The following DPY19L4 variants were observed in gnomAD, a reference collection of about 807,000 sequenced individuals.
DPY19L4 encodes the protein dpy-19 like 4.
In DPY19L4, 97 loss-of-function variants were observed where a neutral mutation model predicts 102.8. That is an observed-to-expected ratio of 0.94 (90% confidence interval 0.80 to 1.12). The LOEUF is 1.12. DPY19L4 is among the 50% of genes most tolerant of loss of function. The pLI, the probability that DPY19L4 is intolerant of heterozygous loss-of-function variation, is 0.00. For missense variants in DPY19L4, 815 were observed against 850.4 expected (o/e 0.96, Z 0.52); for synonymous variants, 252 against 283.1 (o/e 0.89, Z 1.10).
intron 13 of DPY19L4, among the ~76,000 whole-genome samples, chr8:94,775,136 CA>C (rs887720125): frequency 2.0e-5 from 3 of 151,444 alleles, no homozygotes; most frequent in Non-Finnish European, 4.4e-5. Context: ...TTGTGTGTGC[CA>C]AAACCATTGT....
At chr8:94,758,970 A>G (rs1182483498) in intron 7 of DPY19L4, among the ~76,000 whole-genome samples, 2 of 152,066 alleles carry the variant, frequency 1.3e-5, no homozygotes, top group Non-Finnish European at 2.9e-5. Context: ...CCTGAGCTCA[A>G]GTGATTCGCC....
chr8:94,781,082 A>ATTTTT lies in DPY19L4; in HGVS notation c.1633-2_1633-1insTTTTT. 3.7e-6 allele frequency: 4 copies of ATTTTT among 1,075,774 alleles called. No homozygotes were observed. The highest frequency in any genetic ancestry group is 4.8e-5 in the Admixed American group (1 of 20,658). 66.6% of individuals were successfully genotyped at this position (1,075,774 alleles called of 1,614,324 possible). On this transcript the variant is annotated splice_acceptor_variant, in intron 15 of 18. Transcript: ENST00000414645. LOFTEE classifies it high-confidence loss of function. ...TTTTTTTTTTTTTTTTTTGCATTTTAGTTTTTTCCCAGATTAATGACAGAA... is the reference window on the plus strand; with the variant it reads ...TTTTTTTTTTTTTTTTTTGCATTTTATTTTTGTTTTTTCCCAGATTAATGACAGAA...
At position 94,788,007 on chromosome 8, in the gene DPY19L4, G is replaced by A. The variant is rs764265382; in HGVS notation, c.1962G>A (p.Met654Ile). The A allele has an allele frequency of 6.6e-7, 1 of 1,509,998 alleles. No individual in the cohort carries two copies. Among genetic ancestry groups the A allele is most frequent in the Non-Finnish European group, 8.8e-7 (1 of 1,130,836 alleles). The allele number at this position is 1,509,998 out of a possible 1,614,324, so 93.5% of individuals were successfully genotyped here. A position where few individuals can be genotyped will look rare whatever the true frequency, so the allele number is the denominator to read the frequency against. The change falls in exon 18 of 19, where the codon ATG becomes ATA. Residue 654 changes from methionine to isoleucine, a missense_variant. Coordinates refer to ENST00000414645, the MANE Select transcript of DPY19L4 (RefSeq NM_181787.3). Reference sequence around the variant, plus strand: ...CTATCTGCAATGAGGTGGGACCCATGAGAGGCTGTAGGGTTAAAGATTTAT... The same window carrying A: ...CTATCTGCAATGAGGTGGGACCCATAAGAGGCTGTAGGGTTAAAGATTTAT... ...EDAICNEVGP[M>I]RGCRVKDLLD...
At chr8:94,769,360 C>T (rs998067417) in intron 12 of DPY19L4, among the ~76,000 whole-genome samples, 39 of 151,964 alleles carry the variant, frequency 2.6e-4, no homozygotes, top group African/African-American at 8.9e-4. Flanking sequence ...CCATGCTCAG[C>T]CCTAAACTTA....
In DPY19L4 at chr8:94,767,190, A is replaced by T. The variant is rs897246480; in HGVS notation, c.1175+505A>T. On this transcript the variant is annotated intron_variant, in intron 11 of 18. Transcript: ENST00000414645. The stretch of plus-strand genomic sequence containing the variant: ...AGTCCATCACTGAGCATTCCTGAAC[A>T]TCACTCCATCTCTAACATCTTTTCC... Among the ~76,000 whole-genome samples the T allele has an allele frequency of 1.2e-4, 19 of 152,116 alleles. 1 individual carries two copies. Among genetic ancestry groups the T allele is most frequent in the African/African-American group, 4.3e-4 (18 of 41,410 alleles).
At chr8:94,786,116 T>G (rs1813639152) in intron 17 of DPY19L4, among the ~76,000 whole-genome samples, 1 of 152,144 alleles carries the variant, frequency 6.6e-6, no homozygotes. Flanking sequence ...CCATATCATT[T>G]ATTTATTTTT....
chr8:94,745,227 T>C (rs72676946), intron 6 of DPY19L4: 2,133 of 152,678 alleles, frequency 0.014, 25 homozygotes, highest in Non-Finnish European at 0.022. Context: ...GGAAACGGCA[T>C]TGTACAGATA....
intron 1 of DPY19L4, among the ~76,000 whole-genome samples, chr8:94,722,050 A>G (rs1307247541): frequency 6.6e-6 from 1 of 152,184 alleles, no homozygotes; most frequent in East Asian, 1.9e-4. Flanking sequence ...CGGAGGTTGC[A>G]GTGAGCCAAG....
chr8:94,780,933 T>A, intron 15 of DPY19L4, 151 bp from the exon 16 acceptor site: 1 of 582,142 alleles, frequency 1.7e-6, no homozygotes, highest in East Asian at 3.1e-5. Context: ...AAGAGATCCA[T>A]CATGACATTT....
intron 12 of DPY19L4, among the ~76,000 whole-genome samples, chr8:94,769,893 T>C (rs899386779): frequency 2.0e-5 from 3 of 149,116 alleles, no homozygotes; most frequent in Non-Finnish European, 4.5e-5. Flanking sequence ...CTTTTCTTTT[T>C]TTTTTTTTTT....
chr8:94,789,826 A>C lies in DPY19L4; in HGVS notation c.2088A>C (p.Pro696=), dbSNP rs767411203. Residue 696 remains proline, a synonymous_variant, in exon 19 of 19, where the codon CCA becomes CCC. Coordinates refer to ENST00000414645, the MANE Select transcript of DPY19L4 (RefSeq NM_181787.3). ...FCHEVKINYS[P]YVNYFTRVYW... ...ATGAGGTCAAAATTAACTATTCTCC[A>C]TATGTGAATTATTTCACTAGAGTAT... 1 of 1,611,948 alleles carries C rather than the reference A, an allele frequency of 6.2e-7. No individual in the cohort carries two copies. The highest frequency in any genetic ancestry group is 1.1e-5 in the South Asian group (1 of 90,534).
chr8:94,753,895 T>C (rs1010235536), intron 6 of DPY19L4, among the ~76,000 whole-genome samples: 13 of 151,704 alleles, frequency 8.6e-5, no homozygotes, highest in African/African-American at 3.1e-4. Flanking sequence ...GAAAGTACAT[T>C]GTGCTACCGG....
At chr8:94,764,806 C>T (rs1356321311) in intron 8 of DPY19L4, among the ~76,000 whole-genome samples, 9 of 140,020 alleles carry the variant, frequency 6.4e-5, no homozygotes, top group African/African-American at 1.9e-4. Flanking sequence ...TTTGGCTCAC[C>T]GCAACCTCCA....
At chr8:94,759,500 C>CTTTTTTTTT (rs1161705507) in intron 7 of DPY19L4, among the ~76,000 whole-genome samples, 16 of 67,564 alleles carry the variant, frequency 2.4e-4, no homozygotes, top group Non-Finnish European at 3.0e-4. Context: ...TCTACATGTT[C>CTTTTTTTTT]TTTTTTTTTT....
chr8:94,765,349 G>A, intron 9 of DPY19L4, 35 bp downstream of exon 9: 1 of 1,567,330 alleles, frequency 6.4e-7, no homozygotes, highest in Non-Finnish European at 8.6e-7. Flanking sequence ...TTCTTATTTT[G>A]ATTTTTTTTT....
chr8:94,760,787 G>A (rs570819819), intron 7 of DPY19L4, among the ~76,000 whole-genome samples: 9 of 152,302 alleles, frequency 5.9e-5, no homozygotes, highest in East Asian at 1.9e-4. Context: ...TGTTGCATAC[G>A]TTATGGGATT....
chr8:94,751,508 T>C (rs1191421754), intron 6 of DPY19L4, among the ~76,000 whole-genome samples: 3 of 151,528 alleles, frequency 2.0e-5, no homozygotes, highest in African/African-American at 7.3e-5. Flanking sequence ...TATTTATTTT[T>C]TGAGACTGAG....
chr8:94,729,548 G>A lies in DPY19L4; in HGVS notation c.127+3107G>A, dbSNP rs543595065. The stretch of plus-strand genomic sequence containing the variant: ...CAGGAGGTGGAGATTGCAGTGAGCC[G>A]AGAATGTGCCACTGCACTCCAGCCT... On this transcript the variant is annotated intron_variant, in intron 2 of 18. Coordinates refer to ENST00000414645, the MANE Select transcript of DPY19L4 (RefSeq NM_181787.3). 1.7e-3 allele frequency among the ~76,000 whole-genome samples: 218 copies of A among 124,984 alleles called. 1 individual carries two copies. Among genetic ancestry groups the A allele is most frequent in the Non-Finnish European group, 2.8e-3 (176 of 63,950 alleles). The allele number at this position is 124,984 out of a possible 152,430, so 82.0% of individuals were successfully genotyped here.
chr8:94,739,573 A>G, intron 5 of DPY19L4, 39 bp downstream of exon 5: 1 of 1,598,404 alleles, frequency 6.3e-7, no homozygotes, highest in Non-Finnish European at 8.5e-7. Context: ...TTATTTTCTC[A>G]TGTATTCATG....
Sources: gnomAD v4.1 joint callset for allele counts (sites outside exome capture counted in the v4.1 genomes callset) on GRCh38, gnomAD v4.1.1 for gene constraint, MANE v1.5 for transcripts, NCBI Gene and HGNC (gene_info 2026-07-23, HGNC 2026-07-21) for gene names.